The following MX1 variants were observed in gnomAD, a reference collection of about 807,000 sequenced individuals.
MX1 encodes interferon-induced GTP-binding protein Mx1.
A neutral mutation model predicts 66.4 loss-of-function variants in MX1; 66 were observed. The observed-to-expected ratio is 0.99, with a 90% CI of 0.82 to 1.22. The LOEUF (loss-of-function observed/expected upper bound fraction) is 1.22, where lower values mean the gene tolerates loss of function less well. Among genes scored for constraint, MX1 ranks in the 50% most tolerant of loss-of-function variants. The pLI, the probability that MX1 is intolerant of heterozygous loss-of-function variation, is 0.00. For synonymous variants in MX1, 311 were observed against 318.1 expected, an observed-to-expected ratio of 0.98 and a Z score of 0.24; for missense variants, 787 against 834.3, an observed-to-expected ratio of 0.94 and a Z score of 0.70.
intron 16 of MX1, 128 bp from the exon 17 acceptor site, chr21:41,458,400 G>A (rs1185800325): frequency 1.1e-5 from 12 of 1,111,198 alleles, no homozygotes; most frequent in Admixed American, 1.0e-4. Flanking sequence ...AAACCCAGGG[G>A]AAGGTCATTG....
intron 3 of MX1, chr21:41,429,357 A>G (rs2090149329): frequency 6.6e-6 from 1 of 152,232 alleles, no homozygotes; most frequent in Non-Finnish European, 1.5e-5. Context: ...AAATTAGGGA[A>G]GGGAATCTAC....
At chr21:41,428,217 A>G (rs911883098) in intron 3 of MX1, 1 of 152,224 alleles carries the variant, frequency 6.6e-6, no homozygotes, top group African/African-American at 2.4e-5. Flanking sequence ...GGTTCATTTT[A>G]GTTGTTATGT....
Position 41,449,288 on chromosome 21 carries a change from C to G in MX1, c.1425C>G (p.Thr475=). 1 of 1,609,882 alleles carries G rather than the reference C, an allele frequency of 6.2e-7. No homozygotes were observed. Among genetic ancestry groups the G allele is most frequent in the Non-Finnish European group, 8.5e-7 (1 of 1,178,756 alleles). ...LEEPAVDMLH[T]VTDMVRLAFT... ...AGCCGGCTGTGGATATGCTACACACCGTGACGGGTGAGTGCTCAGTTTCAC... is the reference window on the plus strand; with the variant it reads ...AGCCGGCTGTGGATATGCTACACACGGTGACGGGTGAGTGCTCAGTTTCAC... Residue 475 remains threonine, a synonymous_variant, in exon 14 of 17, where the codon ACC becomes ACG. Coordinates refer to ENST00000398598, the MANE Select transcript of MX1 (RefSeq NM_002462.5).
rs2090448195 is a variant in MX1 at position 41,439,552 on chromosome 21, A to G, written c.437-142A>G. On this transcript the variant is annotated intron_variant, in intron 7 of 16. Transcript: ENST00000398598. ...ATCCTTTGAGATCTCTTTTATCCCA[A>G]TCACAGAAAATTGAATCTGCTCCAA... 16 of 820,908 alleles carry G rather than the reference A, an allele frequency of 1.9e-5. 1 individual carries two copies. In the South Asian group the frequency reaches 2.4e-4, roughly 12 times the overall value. 50.9% of individuals were successfully genotyped at this position (820,908 alleles called of 1,614,324 possible). A position where few individuals can be genotyped will look rare whatever the true frequency, so the allele number is the denominator to read the frequency against.
intron 13 of MX1, among the ~76,000 whole-genome samples, chr21:41,447,407 A>C (rs1305585986): frequency 6.6e-6 from 1 of 152,212 alleles, no homozygotes; most frequent in Non-Finnish European, 1.5e-5. Context: ...ACTCAAGCTC[A>C]GCCCGTAACA....
At chr21:41,442,406 T>C (rs1312094637) in intron 10 of MX1, among the ~76,000 whole-genome samples, 3 of 152,202 alleles carry the variant, frequency 2.0e-5, no homozygotes, top group Non-Finnish European at 4.4e-5. Context: ...TATCTCATTA[T>C]ACCAAAATAG....
At chr21:41,443,948 CTG>C in intron 11 of MX1, 82 bp downstream of exon 11, 5 of 1,253,594 alleles carry the variant, frequency 4.0e-6, no homozygotes, top group Non-Finnish European at 5.8e-6. Flanking sequence ...TTAAACATCA[CTG>C]TACACACAGA....
chr21:41,424,046 C>T (rs552543155), upstream of MX1, among the ~76,000 whole-genome samples: 5 of 152,158 alleles, frequency 3.3e-5, no homozygotes, highest in Non-Finnish European at 7.3e-5. Flanking sequence ...TTGGAAACAG[C>T]AGCAGCATCA....
Position 41,443,541 on chromosome 21 carries a change from A to G in MX1, c.930-247A>G, listed in dbSNP as rs2090575846. On this transcript the variant is annotated intron_variant, in intron 10 of 16. Coordinates refer to ENST00000398598, the MANE Select transcript of MX1 (RefSeq NM_002462.5). Reference sequence around the variant, plus strand: ...ATGACCAAGTCTATAGTCAGACACCATGATACACATTTATTATATCAGCTG... The same window carrying G: ...ATGACCAAGTCTATAGTCAGACACCGTGATACACATTTATTATATCAGCTG... The G allele has an allele frequency of 7.5e-6, 4 of 532,746 alleles. No individual in the cohort carries two copies. In the East Asian group the frequency reaches 9.6e-5, roughly 13 times the overall value. 33.0% of individuals were successfully genotyped at this position (532,746 alleles called of 1,614,324 possible).
intron 3 of MX1, chr21:41,428,877 C>A (rs968336978): frequency 1.3e-5 from 2 of 152,210 alleles, no homozygotes; most frequent in Admixed American, 1.3e-4. Flanking sequence ...ATATCATGGG[C>A]ACAAACCTGC....
rs866419445 is a variant in MX1, at chr21:41,440,956, G to A, written c.661G>A (p.Val221Met). Residue 221 changes from valine (V) to methionine (M), a missense_variant, in exon 9 of 17, where the codon GTG becomes ATG. Transcript: ENST00000398598. ...TISLVVVPSNVDIATTEALSM... is the reference protein window; with the variant it reads ...TISLVVVPSNMDIATTEALSM... ...CAGCCTGGTGGTGGTCCCCAGTAATGTGGACATCGCCACCACAGAGGCTCT... is the reference window on the plus strand; with the variant it reads ...CAGCCTGGTGGTGGTCCCCAGTAATATGGACATCGCCACCACAGAGGCTCT... 8 of 1,614,082 alleles carry A rather than the reference G, an allele frequency of 5.0e-6. No individual in the cohort carries two copies. In the Admixed American group the frequency reaches 6.7e-5, roughly 13 times the overall value.
At chr21:41,439,223 G>C (rs1054400373) in intron 7 of MX1, among the ~76,000 whole-genome samples, 1 of 151,978 alleles carries the variant, frequency 6.6e-6, no homozygotes, top group East Asian at 1.9e-4. Context: ...GGAGGAAGGA[G>C]CAAAATAAAA....
intron 16 of MX1, among the ~76,000 whole-genome samples, chr21:41,457,257 C>T (rs1169665170): frequency 6.6e-6 from 1 of 152,150 alleles, no homozygotes; most frequent in Non-Finnish European, 1.5e-5. Context: ...TGCAGACGAT[C>T]TACATTTTGT....
At chr21:41,425,987 C>G (rs1164673243), upstream of MX1, 1 of 153,910 alleles carries the variant, frequency 6.5e-6, no homozygotes, top group African/African-American at 2.4e-5. Flanking sequence ...CATTAGGGAG[C>G]CTCCGGAGCA....
chr21:41,455,752 A>G (rs1398616827), intron 16 of MX1, among the ~76,000 whole-genome samples: 1 of 152,166 alleles, frequency 6.6e-6, no homozygotes, highest in Non-Finnish European at 1.5e-5. Context: ...TGAGTATCCC[A>G]TTTTATGGAT....
intron 16 of MX1, among the ~76,000 whole-genome samples, chr21:41,453,190 T>G (rs1304503420): frequency 6.6e-6 from 1 of 152,154 alleles, no homozygotes; most frequent in East Asian, 1.9e-4. Context: ...TGAAAGGGGT[T>G]TCCCCTTATC....
Position 41,441,928 on chromosome 21 carries a change from G to C in MX1, c.929+14G>C, listed in dbSNP as rs1449722466. 1 of 1,613,676 alleles carries C rather than the reference G, an allele frequency of 6.2e-7. No homozygotes were observed. Among genetic ancestry groups the C allele is most frequent in the East Asian group, 2.2e-5 (1 of 44,862 alleles). ...CCCATATTTCAGGTGCGCTTGCCTG[G>C]GTTTCATCATGGATCAGTCCAAGCC... On this transcript the variant is annotated intron_variant, in intron 10 of 16. Transcript: ENST00000398598. The surrounding 1 kb of genome is among the most constrained non-coding windows in gnomAD (Gnocchi z 4.0).
At chr21:41,449,332 A>G in intron 14 of MX1, 37 bp downstream of exon 14, 3 of 1,580,666 alleles carry the variant, frequency 1.9e-6, no homozygotes, top group South Asian at 1.2e-5. Context: ...ATTGATTTCT[A>G]AAGAAAGGAA....
At chr21:41,433,361 A>T (rs1260217615) in intron 5 of MX1, among the ~76,000 whole-genome samples, 2 of 152,218 alleles carry the variant, frequency 1.3e-5, no homozygotes, top group Non-Finnish European at 2.9e-5. Context: ...TGGGAGCCAC[A>T]TGCATAGCAG....
Sources: gnomAD v4.1 joint callset for allele counts (sites outside exome capture counted in the v4.1 genomes callset) on GRCh38, gnomAD v4.1.1 for gene constraint, Gnocchi (gnomAD v3.1) non-coding constraint, MANE v1.5 for transcripts, NCBI Gene and HGNC (gene_info 2026-07-23, HGNC 2026-07-21) for gene names.